CELF2: variants seen among roughly 807,000 people sequenced by gnomAD.
The protein encoded by CELF2 is CUG triplet repeat RNA-binding protein 2.
In CELF2, 8 loss-of-function variants were observed where a neutral mutation model predicts 62.6. The observed-to-expected ratio is 0.13, with a 90% confidence interval of 0.07 to 0.23. The LOEUF (loss-of-function observed/expected upper bound fraction) is 0.23, where lower values mean the gene tolerates loss of function less well. Among genes scored for constraint, CELF2 ranks in the 10% least tolerant of loss-of-function variants. The probability of loss-of-function intolerance (pLI) is 1.00; values close to 1 mark genes in which losing one functional copy is unlikely to be tolerated. For synonymous variants in CELF2, 258 were observed against 250.0 expected (o/e 1.03, Z -0.30); for missense variants, 333 against 671.0 (o/e 0.50, Z 5.56).
chr10:10,517,919 A>G, the CELF2 span, among the ~76,000 whole-genome samples: 1 of 152,220 alleles, frequency 6.6e-6, no homozygotes, highest in Non-Finnish European at 1.5e-5. Context: ...CCGGCTTTCC[A>G]GCCTCCCACA....
chr10:11,323,663 G>A (rs1311882334), intron 11 of CELF2, among the ~76,000 whole-genome samples: 1 of 152,038 alleles, frequency 6.6e-6, no homozygotes, highest in Non-Finnish European at 1.5e-5. Flanking sequence ...GCCAGATCAA[G>A]TGCCCTGTGA....
intron 8 of CELF2, among the ~76,000 whole-genome samples, chr10:11,277,805 A>G (rs1267879135): frequency 1.3e-5 from 2 of 152,206 alleles, no homozygotes; most frequent in Non-Finnish European, 2.9e-5. Context: ...CCCAAACACC[A>G]CCTGATGTTA....
rs1273160933 is a variant in CELF2, at chr10:11,285,861, GTGTGTGTGTGTGTGTGTT to G, written c.842-2555_842-2538del. On this transcript the variant is annotated intron_variant, in intron 8 of 12. Transcript: ENST00000633077. This position sits in a 1 kb window ranked among gnomAD's most constrained non-coding sequence, Gnocchi z 4.3. Reference sequence around the variant, plus strand: ...TGTGTGTGTGTGTGTGTGTGTGTGTGTGTGTGTGTGTGTGTGTTTTTACATGGACTTGAAAATGAGTAA... The same window carrying G: ...TGTGTGTGTGTGTGTGTGTGTGTGTGTTTACATGGACTTGAAAATGAGTAA... Among the ~76,000 whole-genome samples the G allele has an allele frequency of 7.4e-4, 105 of 141,878 alleles. No individual in the cohort carries two copies. The highest frequency in any genetic ancestry group is 2.6e-3 in the African/African-American group (89 of 34,410). The allele number at this position is 141,878 out of a possible 152,430, so 93.1% of individuals were successfully genotyped here. A position where few individuals can be genotyped will look rare whatever the true frequency, so the allele number is the denominator to read the frequency against.
intron 1 of CELF2, among the ~76,000 whole-genome samples, chr10:11,030,075 T>G (rs2059857806): frequency 6.6e-6 from 1 of 152,240 alleles, no homozygotes; most frequent in African/African-American, 2.4e-5. Flanking sequence ...CATTTTCCAG[T>G]GTCAACCAAA....
chr10:10,763,963 G>A, the CELF2 span, among the ~76,000 whole-genome samples: 2 of 152,338 alleles, frequency 1.3e-5, no homozygotes, highest in South Asian at 2.1e-4. Context: ...ATTGTAGATG[G>A]AGTGAATTAG....
the CELF2 span, among the ~76,000 whole-genome samples, chr10:10,696,759 C>T: frequency 1.9e-3 from 293 of 152,250 alleles, 1 homozygote; most frequent in South Asian, 0.019. Flanking sequence ...GGGAGTGACT[C>T]GATTTTCCAG....
chr10:11,046,898 A>G lies in CELF2; in HGVS notation c.74+28735A>G, dbSNP rs955406114. Among the ~76,000 whole-genome samples the G allele has an allele frequency of 1.3e-5, 2 of 152,218 alleles. No individual in the cohort carries two copies. Among genetic ancestry groups the G allele is most frequent in the African/African-American group, 2.4e-5 (1 of 41,448 alleles). ...AGTCACTGGGGAGAAGAAAATTTCCAGAGATGTGATAGAAAACAAATTGGG... is the reference window on the plus strand; with the variant it reads ...AGTCACTGGGGAGAAGAAAATTTCCGGAGATGTGATAGAAAACAAATTGGG... On this transcript the variant is annotated intron_variant, in intron 1 of 12. Transcript: ENST00000633077. This position sits in a 1 kb window ranked among gnomAD's most constrained non-coding sequence, Gnocchi z 4.6.
At chr10:11,205,039 C>T (rs906140876) in intron 2 of CELF2, among the ~76,000 whole-genome samples, 2 of 151,974 alleles carry the variant, frequency 1.3e-5, no homozygotes, top group Non-Finnish European at 2.9e-5. Flanking sequence ...TTTGTTGTAC[C>T]CTGAATAAGA....
At chr10:10,537,992 C>A in the CELF2 span, among the ~76,000 whole-genome samples, 1 of 152,170 alleles carries the variant, frequency 6.6e-6, no homozygotes, top group African/African-American at 2.4e-5. Context: ...TCCCCAAGGG[C>A]TCTTCATGGA....
Position 10,947,536 on chromosome 10 carries a change from A to T in CELF2, c.89+27537A>T, listed in dbSNP as rs1169784285. On this transcript the variant is annotated intron_variant, in intron 2 of 13. Coordinates refer to the CELF2 transcript ENST00000636488. The surrounding 1 kb of genome is among the most constrained non-coding windows in gnomAD (Gnocchi z 4.1). ...TTAACATTCCCCGAATTTGTTGATT[A>T]TTTCGTGTTGTGTTGAATTCCTAAC... The T allele has an allele frequency of 1.3e-5, 2 of 152,620 alleles. No homozygotes were observed. Among genetic ancestry groups the T allele is most frequent in the Non-Finnish European group, 1.5e-5 (1 of 68,034 alleles). The allele number at this position is 152,620 out of a possible 1,614,324, so 9.5% of individuals were successfully genotyped here.
the CELF2 span, among the ~76,000 whole-genome samples, chr10:10,732,104 C>T: frequency 1.3e-5 from 2 of 152,162 alleles, no homozygotes; most frequent in Admixed American, 1.3e-4. Flanking sequence ...TCCCCAGTCC[C>T]CAGCCAGTCA....
chr10:11,326,622 A>G (rs978237210), intron 12 of CELF2, among the ~76,000 whole-genome samples: 1 of 152,110 alleles, frequency 6.6e-6, no homozygotes, highest in Non-Finnish European at 1.5e-5. Flanking sequence ...GGAGGAAGGG[A>G]TGCTCACAGA....
At chr10:11,202,953 G>A (rs7477936) in intron 2 of CELF2, among the ~76,000 whole-genome samples, 1 of 30,238 alleles carries the variant, frequency 3.3e-5, no homozygotes, top group Admixed American at 3.2e-4. Context: ...CTCTCTCTCT[G>A]TGTGTGTGTG....
At chr10:10,521,997 T>C in the CELF2 span, among the ~76,000 whole-genome samples, 1 of 152,202 alleles carries the variant, frequency 6.6e-6, no homozygotes, top group African/African-American at 2.4e-5. Context: ...TGAGCAAGGA[T>C]GGCCATGGTC....
At chr10:10,526,652 C>T in the CELF2 span, among the ~76,000 whole-genome samples, 1 of 152,198 alleles carries the variant, frequency 6.6e-6, no homozygotes, top group African/African-American at 2.4e-5. Context: ...CTGAGCTCAT[C>T]ACCCACCAAC....
intron 8 of CELF2, among the ~76,000 whole-genome samples, chr10:11,286,048 C>G (rs1441043812): frequency 6.6e-6 from 1 of 152,174 alleles, no homozygotes; most frequent in African/African-American, 2.4e-5. Context: ...ACAGAGAAAG[C>G]GTGTGCATTA....
At chr10:10,799,570 G>A (rs1284911374) in intron 1 of CELF2, among the ~76,000 whole-genome samples, 3 of 152,018 alleles carry the variant, frequency 2.0e-5, no homozygotes, top group Non-Finnish European at 4.4e-5. Flanking sequence ...AGGGAAACTT[G>A]GTTTCCTCCT....
the CELF2 span, among the ~76,000 whole-genome samples, chr10:10,555,688 A>G: frequency 6.6e-6 from 1 of 152,302 alleles, no homozygotes; most frequent in Non-Finnish European, 1.5e-5. Context: ...ACAAGTTGAA[A>G]TCTACAGCCC....
chr10:10,582,026 T>TA, the CELF2 span, among the ~76,000 whole-genome samples: 592 of 150,564 alleles, frequency 3.9e-3, 5 homozygotes, highest in African/African-American at 0.014. Flanking sequence ...AGATTCCATC[T>TA]AAAAAAAAAG....
Sources: allele counts gnomAD v4.1 joint callset (sites outside exome capture counted in the v4.1 genomes callset), GRCh38; gene constraint gnomAD v4.1.1; non-coding constraint Gnocchi (gnomAD v3.1); transcripts MANE v1.5; gene names NCBI Gene and HGNC (gene_info 2026-07-23, HGNC 2026-07-21).